The following GULP1 variants were observed in gnomAD, a reference collection of about 807,000 sequenced individuals.
GULP1 encodes the protein GULP PTB domain containing engulfment adaptor 1.
In GULP1, 19 loss-of-function variants were observed where a neutral mutation model predicts 40.9. The observed-to-expected ratio is 0.46, with a 90% CI of 0.32 to 0.68. The LOEUF (loss-of-function observed/expected upper bound fraction) is 0.68. Ranked by LOEUF, GULP1 falls within the 30% of genes least tolerant of loss-of-function variation. The pLI is 0.03. For synonymous variants in GULP1, 119 were observed against 117.6 expected (o/e 1.01, Z -0.08); for missense variants, 312 against 362.2 (o/e 0.86, Z 1.12).
At chr2:188,303,830 C>G (rs1321691738) in intron 1 of GULP1, among the ~76,000 whole-genome samples, 1 of 152,122 alleles carries the variant, frequency 6.6e-6, no homozygotes, top group Non-Finnish European at 1.5e-5. Context: ...TTTATGAGAT[C>G]ATGACCTTCA....
intron 10 of GULP1, among the ~76,000 whole-genome samples, chr2:188,584,970 G>T (rs907059768): frequency 6.6e-6 from 1 of 152,112 alleles, no homozygotes; most frequent in Admixed American, 6.5e-5. Context: ...CTATAAGCCT[G>T]TAAAATAAAA....
At chr2:188,456,671 A>C (rs2059294630) in intron 2 of GULP1, among the ~76,000 whole-genome samples, 1 of 152,182 alleles carries the variant, frequency 6.6e-6, no homozygotes, top group Non-Finnish European at 1.5e-5. Flanking sequence ...GAGAGTTCCC[A>C]CACAGAGTCC....
intron 1 of GULP1, among the ~76,000 whole-genome samples, chr2:188,338,682 A>T (rs1025823831): frequency 6.6e-6 from 1 of 152,150 alleles, no homozygotes; most frequent in African/African-American, 2.4e-5. Flanking sequence ...GAAGTCAGCT[A>T]TATTGCATCT....
In GULP1 at chr2:188,594,108, T is replaced by G; in HGVS notation, c.*97T>G. 1 of 648,986 alleles carries G rather than the reference T, an allele frequency of 1.5e-6. No homozygotes were observed. The highest frequency in any genetic ancestry group is 2.7e-6 in the Non-Finnish European group (1 of 375,540). 40.2% of individuals were successfully genotyped at this position (648,986 alleles called of 1,614,324 possible). ...AAGATAGGTATTATTCATGTGTCAATGTTTTTGAATATTTTAATATTTTGA... is the reference window on the plus strand; with the variant it reads ...AAGATAGGTATTATTCATGTGTCAAGGTTTTTGAATATTTTAATATTTTGA... On this transcript the variant is annotated 3_prime_UTR_variant, in exon 12 of 12. Transcript: ENST00000409830.
chr2:188,561,130 G>A lies in GULP1; in HGVS notation c.400-8109G>A, dbSNP rs561682049. Among the ~76,000 whole-genome samples, 34 of 152,316 alleles carry A rather than the reference G, an allele frequency of 2.2e-4. No individual in the cohort carries two copies. The South Asian group carries it at 2.9e-3, about 13-fold the overall frequency. Reference sequence around the variant, plus strand: ...GTGGATTTGTGCTGGGGACTGGGACGTTAAGCATGTCACTGTTTAAGCCCC... The same window carrying A: ...GTGGATTTGTGCTGGGGACTGGGACATTAAGCATGTCACTGTTTAAGCCCC... On this transcript the variant is annotated intron_variant, in intron 7 of 11. Coordinates refer to ENST00000409830, the MANE Select transcript of GULP1 (RefSeq NM_016315.4).
chr2:188,576,112 G>A (rs1318933954), intron 9 of GULP1, among the ~76,000 whole-genome samples: 1 of 151,968 alleles, frequency 6.6e-6, no homozygotes, highest in Non-Finnish European at 1.5e-5. Context: ...AGTAGTGAGT[G>A]GTAAAGAATC....
At chr2:188,507,577 G>A (rs559119194) in intron 4 of GULP1, among the ~76,000 whole-genome samples, 1 of 151,864 alleles carries the variant, frequency 6.6e-6, no homozygotes, top group South Asian at 2.1e-4. Context: ...TTAATAGCAT[G>A]CATCACTTTG....
intron 9 of GULP1, among the ~76,000 whole-genome samples, chr2:188,579,248 A>G (rs977384835): frequency 2.6e-5 from 4 of 152,182 alleles, no homozygotes; most frequent in African/African-American, 7.2e-5. Context: ...AGCACAGGCT[A>G]CCTTCAAAGA....
In GULP1 at chr2:188,568,826, G is replaced by A. The variant is rs553311012; in HGVS notation, c.400-413G>A. Reference sequence around the variant, plus strand: ...AACAAACCCTCCTCACAAGGAAAAGGAAATAAATAGCAAAGCAAGGAGAGA... The same window carrying A: ...AACAAACCCTCCTCACAAGGAAAAGAAAATAAATAGCAAAGCAAGGAGAGA... On this transcript the variant is annotated intron_variant, in intron 7 of 11. Transcript: ENST00000409830. Among the ~76,000 whole-genome samples, 11 of 152,198 alleles carry A rather than the reference G, an allele frequency of 7.2e-5. No individual in the cohort carries two copies. The East Asian group carries it at 2.1e-3, about 29-fold the overall frequency.
At chr2:188,524,424 C>T (rs1208651831) in intron 5 of GULP1, among the ~76,000 whole-genome samples, 2 of 151,926 alleles carry the variant, frequency 1.3e-5, no homozygotes, top group East Asian at 3.9e-4. Context: ...AAAATGCACA[C>T]TTATTTTATA....
At chr2:188,537,478 A>T (rs1242801417) in intron 6 of GULP1, among the ~76,000 whole-genome samples, 1 of 151,804 alleles carries the variant, frequency 6.6e-6, no homozygotes, top group East Asian at 1.9e-4. Flanking sequence ...TTTTATGTTG[A>T]ATTGTATTTA....
At chr2:188,364,697 G>A (rs969239197) in intron 1 of GULP1, among the ~76,000 whole-genome samples, 1 of 146,666 alleles carries the variant, frequency 6.8e-6, no homozygotes, top group East Asian at 2.0e-4. Context: ...CATGGGATAT[G>A]TATGTGTGTG....
At position 188,520,929 on chromosome 2, in the gene GULP1, A is replaced by AT. The variant is rs753403541; in HGVS notation, c.91-1820dup. On this transcript the variant is annotated intron_variant, in intron 4 of 11. Coordinates refer to ENST00000409830, the MANE Select transcript of GULP1 (RefSeq NM_016315.4). ...CAAAACTCTAATTTCCTTAGTGATT[A>AT]TTTTTTTCAAGAATGAAGGAAGGAA... is the stretch of plus-strand genomic sequence containing the variant. Among the ~76,000 whole-genome samples the AT allele has an allele frequency of 5.9e-5, 9 of 152,198 alleles. No individual in the cohort carries two copies. In the East Asian group the frequency reaches 1.7e-3, roughly 29 times the overall value.
intron 6 of GULP1, among the ~76,000 whole-genome samples, chr2:188,529,600 G>A (rs753856341): frequency 4.6e-5 from 7 of 152,060 alleles, no homozygotes; most frequent in African/African-American, 7.2e-5. Context: ...TTTTACGGAG[G>A]CTGAAACAAA....
In GULP1 at chr2:188,541,371, T is replaced by G. The variant is rs760840961; in HGVS notation, c.399+53T>G. ...TTTGTTCTGTTTTATAAGCCAGGAA[T>G]TGTCTTGCTTCTGGCATTGGCAAAG... is the stretch of plus-strand genomic sequence containing the variant. On this transcript the variant is annotated intron_variant, in intron 7 of 11. Coordinates refer to ENST00000409830, the MANE Select transcript of GULP1 (RefSeq NM_016315.4). 36 of 1,489,018 alleles carry G rather than the reference T, an allele frequency of 2.4e-5. 1 individual carries two copies. In the South Asian group the frequency reaches 4.0e-4, roughly 16 times the overall value. The allele number at this position is 1,489,018 out of a possible 1,614,324, so 92.2% of individuals were successfully genotyped here. A position where few individuals can be genotyped will look rare whatever the true frequency, so the allele number is the denominator to read the frequency against.
intron 7 of GULP1, among the ~76,000 whole-genome samples, chr2:188,542,583 TA>T (rs1690819744): frequency 6.6e-6 from 1 of 152,162 alleles, no homozygotes; most frequent in East Asian, 1.9e-4. Flanking sequence ...CTAGATATCA[TA>T]ATACCTTTTG....
chr2:188,349,970 T>C (rs996460527), intron 1 of GULP1, among the ~76,000 whole-genome samples: 1 of 152,136 alleles, frequency 6.6e-6, no homozygotes, highest in African/African-American at 2.4e-5. Context: ...AAGACTATTA[T>C]TTCCCCAATG....
chr2:188,534,111 A>C (rs1224818020), intron 6 of GULP1, among the ~76,000 whole-genome samples: 1 of 152,120 alleles, frequency 6.6e-6, no homozygotes, highest in Admixed American at 6.6e-5. Flanking sequence ...TTTTCCAGCA[A>C]CCCTAATGCT....
At chr2:188,301,308 G>A (rs1472314258) in intron 1 of GULP1, among the ~76,000 whole-genome samples, 2 of 152,180 alleles carry the variant, frequency 1.3e-5, no homozygotes. Flanking sequence ...ACAGGTGTGA[G>A]CACTGTACTT....
Sources: gnomAD v4.1 joint callset for allele counts (sites outside exome capture counted in the v4.1 genomes callset) on GRCh38, gnomAD v4.1.1 for gene constraint, MANE v1.5 for transcripts, NCBI Gene and HGNC (gene_info 2026-07-23, HGNC 2026-07-21) for gene names.